The following GRIN1 variants were observed in gnomAD, a reference collection of about 807,000 sequenced individuals.
The protein encoded by GRIN1 is glutamate receptor ionotropic, NMDA 1.
A neutral mutation model predicts 103.0 loss-of-function variants in GRIN1; 38 were observed. The ratio of observed to expected loss-of-function variants is 0.37; its 90% CI spans 0.28 to 0.48. GRIN1 has a LOEUF of 0.48. GRIN1 is among the 20% of genes least tolerant of loss of function. GRIN1 has a pLI of 0.98. For synonymous variants in GRIN1, 544 were observed against 532.7 expected, an observed-to-expected ratio of 1.02 and a Z score of -0.29; for missense variants, 577 against 1,288.9, an observed-to-expected ratio of 0.45 and a Z score of 8.46.
chr9:137,161,087 AC>A lies in GRIN1; in HGVS notation c.1230del (p.Tyr410Ter). 1 of 1,612,926 alleles carries A rather than the reference AC, an allele frequency of 6.2e-7. No homozygotes were observed. Among genetic ancestry groups the A allele is most frequent in the Non-Finnish European group, 8.5e-7 (1 of 1,179,920 alleles). ...ACGATCCACCAGGAGCCCTTCGTGT[AC>A]GTCAAGCCCACGCTGAGTGATGGGA... Reference protein sequence around the residue: ...IVTIHQEPFVYVKPTLSDGTC... With the variant: ...IVTIHQEPFVXVKPTLSDGTC... On this transcript the variant is annotated frameshift_variant, in exon 9 of 20. Coordinates refer to ENST00000371561, the MANE Select transcript of GRIN1 (RefSeq NM_007327.4). LOFTEE classifies it high-confidence loss of function.
chr9:137,150,061 G>C (rs1364803724), intron 4 of GRIN1, among the ~76,000 whole-genome samples: 1 of 152,172 alleles, frequency 6.6e-6, no homozygotes. Flanking sequence ...CCCAAGGTAG[G>C]GTTGTTGCTT....
intron 19 of GRIN1, 146 bp downstream of exon 19, chr9:137,165,442 C>G: frequency 1.4e-6 from 1 of 691,880 alleles, no homozygotes; most frequent in Non-Finnish European, 2.6e-6. Context: ...CTGCCCAGCC[C>G]GCCCATGCTG....
intron 6 of GRIN1, among the ~76,000 whole-genome samples, chr9:137,157,858 C>G (rs980155534): frequency 6.6e-6 from 1 of 152,206 alleles, no homozygotes; most frequent in Non-Finnish European, 1.5e-5. Context: ...GCACATGACA[C>G]ACATGTGACA....
At chr9:137,154,488 CTG>C (rs1225970664) in intron 4 of GRIN1, among the ~76,000 whole-genome samples, 4 of 116,712 alleles carry the variant, frequency 3.4e-5, no homozygotes, top group African/African-American at 1.3e-4. Flanking sequence ...GAGTCTCACT[CTG>C]TCACCCAGGC....
chr9:137,158,403 G>A lies in GRIN1; in HGVS notation c.993G>A (p.Ala331=), dbSNP rs1015050343. The A allele has an allele frequency of 1.2e-5, 20 of 1,613,452 alleles. No individual in the cohort carries two copies. The highest frequency in any genetic ancestry group is 5.0e-5 in the Admixed American group (3 of 60,012). Residue 331 remains alanine, a synonymous_variant, in exon 7 of 20, where the codon GCG becomes GCA. Transcript: ENST00000371561. ...GAGTGCTGATGTCTTCCAAGTATGC[G>A]GATGGGGTGACTGGTCGCGTGGAGT... The part of the protein sequence containing the change: ...FKRVLMSSKY[A]DGVTGRVEFN...
At chr9:137,150,312 G>A (rs982111617) in intron 4 of GRIN1, among the ~76,000 whole-genome samples, 1 of 151,212 alleles carries the variant, frequency 6.6e-6, no homozygotes, top group South Asian at 2.1e-4. Flanking sequence ...CCCCGCCCAG[G>A]GAAAGACCCG....
rs762316421 is a variant in GRIN1 at position 137,161,455 on chromosome 9, G to C, written c.1467+39G>C. 4 of 1,593,282 alleles carry C rather than the reference G, an allele frequency of 2.5e-6. No homozygotes were observed. In the East Asian group the frequency reaches 9.0e-5, roughly 36 times the overall value. On this transcript the variant is annotated intron_variant, in intron 10 of 19. Transcript: ENST00000371561. ...CGGGGGTGGGGACCAGCGTGAGAGG[G>C]GCCTGCAGGCGCGGTCGGAGTGGGT...
chr9:137,150,860 AGCCCAGGGAAAGCCCC>A (rs1832824630), intron 4 of GRIN1, among the ~76,000 whole-genome samples: 1 of 101,018 alleles, frequency 9.9e-6, no homozygotes, highest in South Asian at 3.8e-4. Flanking sequence ...ATAAAAGCTC[AGCCCAGGGAAAGCCCC>A]GCCCATAAAA....
chr9:137,165,829 C>A (rs1833848219), intron 19 of GRIN1, among the ~76,000 whole-genome samples: 1 of 152,272 alleles, frequency 6.6e-6, no homozygotes, highest in Non-Finnish European at 1.5e-5. Context: ...CCCCCAGACA[C>A]CTGTCTCACC....
In GRIN1 at chr9:137,154,055, G is replaced by T. The variant is rs925337838; in HGVS notation, c.672-2614G>T. Among the ~76,000 whole-genome samples the T allele has an allele frequency of 5.5e-5, 8 of 144,862 alleles. 1 individual carries two copies. The highest frequency in any genetic ancestry group is 4.8e-4 in the Admixed American group (7 of 14,484). The stretch of plus-strand genomic sequence containing the variant: ...TTGAACTCCTGACCTCAGGTGATCC[G>T]CCTGCCTCAGCCTTCCAAAGTGCTG... On this transcript the variant is annotated intron_variant, in intron 4 of 19. Transcript: ENST00000371561.
chr9:137,139,438 G>A lies in GRIN1; in HGVS notation c.-49G>A. On this transcript the variant is annotated 5_prime_UTR_variant, in exon 1 of 20. Transcript: ENST00000371561. This position sits in a 1 kb window ranked among gnomAD's most constrained non-coding sequence, Gnocchi z 7.7. ...CCGGAAGCCCCGCGGGGGATGCGCCGAGGGCCCCGCGTTCGCGCCGCGCAG... is the reference window on the plus strand; with the variant it reads ...CCGGAAGCCCCGCGGGGGATGCGCCAAGGGCCCCGCGTTCGCGCCGCGCAG... The A allele has an allele frequency of 7.2e-7, 1 of 1,384,958 alleles. No homozygotes were observed. 85.8% of individuals were successfully genotyped at this position (1,384,958 alleles called of 1,614,324 possible). A position where few individuals can be genotyped will look rare whatever the true frequency, so the allele number is the denominator to read the frequency against.
intron 2 of GRIN1, among the ~76,000 whole-genome samples, chr9:137,144,450 C>T (rs571742951): frequency 1.3e-3 from 203 of 151,438 alleles, no homozygotes; most frequent in African/African-American, 4.1e-3. Context: ...GTCAGGAGAT[C>T]GAGACCATCC....
At position 137,163,559 on chromosome 9, in the gene GRIN1, G is replaced by A. The variant is rs1176826197; in HGVS notation, c.2334G>A (p.Lys778=). 21 of 1,607,904 alleles carry A rather than the reference G, an allele frequency of 1.3e-5. No homozygotes were observed. Among genetic ancestry groups the A allele is most frequent in the South Asian group, 2.2e-5 (2 of 90,986 alleles). The change falls in exon 17 of 20, where the codon AAG becomes AAA. Residue 778 remains lysine, a splice_region_variant and synonymous_variant. Transcript: ENST00000371561. ...CAGGCTCACTTGTTCCCACCGCCAG[G>A]TCCCACGAGAATGGCTTCATGGAAG... ...WKQNVSLSIL[K]SHENGFMEDL...
At chr9:137,163,489 C>T in intron 16 of GRIN1, 70 bp from the exon 17 acceptor site, 1 of 1,327,456 alleles carries the variant, frequency 7.5e-7, no homozygotes, top group Non-Finnish European at 1.1e-6. Context: ...CCGCCCCGGC[C>T]CCGCCCCCAG....
At chr9:137,163,949 TG>T (rs1394211865) in intron 18 of GRIN1, 45 bp downstream of exon 18, 37 of 1,602,706 alleles carry the variant, frequency 2.3e-5, no homozygotes, top group Non-Finnish European at 3.2e-5. Flanking sequence ...GGGCCCGGCC[TG>T]GCCACGGCCC....
At chr9:137,153,190 T>C (rs1489445882) in intron 4 of GRIN1, among the ~76,000 whole-genome samples, 1 of 151,376 alleles carries the variant, frequency 6.6e-6, no homozygotes, top group East Asian at 2.0e-4. Context: ...TGCACCATCA[T>C]GTACAGGTCA....
chr9:137,147,392 GCA>G (rs1369422190), intron 3 of GRIN1, among the ~76,000 whole-genome samples: 1 of 152,096 alleles, frequency 6.6e-6, no homozygotes, highest in African/African-American at 2.4e-5. Flanking sequence ...GCGCCAGCCA[GCA>G]CAGACACACA....
At chr9:137,160,930 C>CG (rs1376821263) in intron 8 of GRIN1, 126 bp from the exon 9 acceptor site, 15 of 1,219,510 alleles carry the variant, frequency 1.2e-5, no homozygotes, top group East Asian at 2.5e-5. Flanking sequence ...CGGCGCAGGG[C>CG]GGGGGGTGTG....
intron 10 of GRIN1, 27 bp downstream of exon 10, chr9:137,161,443 C>T: frequency 6.3e-7 from 1 of 1,598,100 alleles, no homozygotes; most frequent in South Asian, 1.1e-5. Context: ...GGGTGGGGAC[C>T]AGCGTGAGAG....
Sources: allele counts gnomAD v4.1 joint callset (sites outside exome capture counted in the v4.1 genomes callset), GRCh38; gene constraint gnomAD v4.1.1; non-coding constraint Gnocchi (gnomAD v3.1); transcripts MANE v1.5; gene names NCBI Gene and HGNC (gene_info 2026-07-23, HGNC 2026-07-21).